NCAM2: variants seen among roughly 807,000 people sequenced by gnomAD.
NCAM2 encodes N-CAM-2.
A neutral mutation model predicts 98.1 loss-of-function variants in NCAM2; 30 were observed. That is an observed-to-expected ratio of 0.31 (90% CI 0.23 to 0.41). The LOEUF is 0.41. Among genes scored for constraint, NCAM2 ranks in the 10% least tolerant of loss-of-function variants. The pLI, the probability that NCAM2 is intolerant of heterozygous loss-of-function variation, is 1.00. For missense variants in NCAM2, 867 were observed against 1,005.8 expected, an observed-to-expected ratio of 0.86 and a Z score of 1.87; for synonymous variants, 368 against 342.4, an observed-to-expected ratio of 1.07 and a Z score of -0.83.
rs2077039117 is a variant in NCAM2 at position 21,418,456 on chromosome 21, T to C, written c.1384-17T>C. On this transcript the variant is annotated splice_polypyrimidine_tract_variant and intron_variant, in intron 10 of 17. Coordinates refer to ENST00000400546, the MANE Select transcript of NCAM2 (RefSeq NM_004540.5). The stretch of plus-strand genomic sequence containing the variant: ...GATGTTTTAGAATTGTAACATTTGT[T>C]ATTATAATTATTTCAGATTGCACCT... 5 of 1,558,846 alleles carry C rather than the reference T, an allele frequency of 3.2e-6. No homozygotes were observed. The highest frequency in any genetic ancestry group is 1.7e-5 in the Admixed American group (1 of 59,786).
intron 6 of NCAM2, among the ~76,000 whole-genome samples, chr21:21,332,021 A>T (rs906192962): frequency 6.6e-6 from 1 of 151,528 alleles, no homozygotes; most frequent in Non-Finnish European, 1.5e-5. Context: ...TCTTGCTTCA[A>T]CCTCCCAAGT....
chr21:21,125,576 CATATAAT>C (rs1189230844), intron 1 of NCAM2, among the ~76,000 whole-genome samples: 1 of 114,588 alleles, frequency 8.7e-6, no homozygotes, highest in Non-Finnish European at 1.7e-5. Context: ...GCATATAAAA[CATATAAT>C]ATACATATTT....
rs1433131403 is a variant in NCAM2 at position 21,539,415 on chromosome 21, G to A, written c.*1458G>A. 1 of 152,146 alleles carries A rather than the reference G, an allele frequency of 6.6e-6. No homozygotes were observed. Among genetic ancestry groups the A allele is most frequent in the Non-Finnish European group, 1.5e-5 (1 of 68,042 alleles). 9.4% of individuals were successfully genotyped at this position (152,146 alleles called of 1,614,324 possible). ...ATAGCTCAAATAGTGACAGGACAGG[G>A]AATGCGTTCCAAAGGAATATTGGAG... On this transcript the variant is annotated 3_prime_UTR_variant, in exon 18 of 18. Transcript: ENST00000400546.
intron 5 of NCAM2, among the ~76,000 whole-genome samples, chr21:21,293,376 T>C (rs977656764): frequency 6.6e-6 from 1 of 151,736 alleles, no homozygotes; most frequent in Admixed American, 6.6e-5. Flanking sequence ...CTTTCAACTG[T>C]AATAATTCTT....
At chr21:21,486,013 C>A (rs1341966217) in intron 15 of NCAM2, among the ~76,000 whole-genome samples, 1 of 151,966 alleles carries the variant, frequency 6.6e-6, no homozygotes, top group African/African-American at 2.4e-5. Flanking sequence ...ATAAAACACA[C>A]TTCTGGCCGG....
chr21:21,360,920 A>G (rs1409802609), intron 8 of NCAM2, among the ~76,000 whole-genome samples: 1 of 151,994 alleles, frequency 6.6e-6, no homozygotes, highest in Admixed American at 6.6e-5. Flanking sequence ...TTAGATAACT[A>G]CTTCATAAAT....
At chr21:21,053,046 C>G (rs73218288) in intron 1 of NCAM2, among the ~76,000 whole-genome samples, 1 of 151,226 alleles carries the variant, frequency 6.6e-6, no homozygotes, top group African/African-American at 2.4e-5. Context: ...GGACAAACTT[C>G]TTATTGAATA....
At chr21:21,127,730 C>T (rs1248257157) in intron 1 of NCAM2, among the ~76,000 whole-genome samples, 1 of 152,052 alleles carries the variant, frequency 6.6e-6, no homozygotes, top group Non-Finnish European at 1.5e-5. Context: ...CTGTGCTTGG[C>T]ATATTTCATT....
At chr21:21,276,904 T>G (rs550386660) in intron 1 of NCAM2, among the ~76,000 whole-genome samples, 7 of 152,026 alleles carry the variant, frequency 4.6e-5, no homozygotes, top group Admixed American at 1.3e-4. Context: ...GAATGAAAAA[T>G]TAACCAGATG....
chr21:21,380,627 A>C (rs1240552685), intron 9 of NCAM2, among the ~76,000 whole-genome samples: 1 of 151,822 alleles, frequency 6.6e-6, no homozygotes, highest in Admixed American at 6.6e-5. Flanking sequence ...TTCCTTTCTC[A>C]GAGCCTGCAA....
At chr21:21,291,939 A>T (rs886447969) in intron 4 of NCAM2, among the ~76,000 whole-genome samples, 165 bp from the exon 5 acceptor site, 2 of 151,688 alleles carry the variant, frequency 1.3e-5, no homozygotes, top group Admixed American at 6.6e-5. Context: ...GAGTGGAAAA[A>T]TTGAAGTCAT....
At chr21:21,015,797 G>A (rs1282695353) in intron 1 of NCAM2, among the ~76,000 whole-genome samples, 1 of 152,050 alleles carries the variant, frequency 6.6e-6, no homozygotes, top group Non-Finnish European at 1.5e-5. Context: ...TCCGCCTCTC[G>A]CGTTCAAGCA....
At chr21:21,073,216 A>T (rs893708266) in intron 1 of NCAM2, among the ~76,000 whole-genome samples, 1 of 152,124 alleles carries the variant, frequency 6.6e-6, no homozygotes, top group African/African-American at 2.4e-5. Context: ...TTGTCCATTT[A>T]TCTATTGATG....
chr21:21,495,271 A>G (rs1987143140), intron 15 of NCAM2, among the ~76,000 whole-genome samples: 1 of 152,028 alleles, frequency 6.6e-6, no homozygotes, highest in South Asian at 2.1e-4. Flanking sequence ...TTAATTATGT[A>G]ATTTTAATTC....
intron 8 of NCAM2, among the ~76,000 whole-genome samples, chr21:21,345,502 A>G (rs1305553487): frequency 6.6e-6 from 1 of 152,090 alleles, no homozygotes; most frequent in Non-Finnish European, 1.5e-5. Flanking sequence ...AATGCATTAG[A>G]GTCCTTTAAT....
At chr21:21,053,509 A>C (rs1023832820) in intron 1 of NCAM2, among the ~76,000 whole-genome samples, 9 of 151,884 alleles carry the variant, frequency 5.9e-5, no homozygotes, top group African/African-American at 2.2e-4. Context: ...TGGAACTCTG[A>C]AGGTCAACTT....
intron 9 of NCAM2, among the ~76,000 whole-genome samples, chr21:21,390,393 C>T (rs1005484852): frequency 2.0e-5 from 3 of 151,934 alleles, no homozygotes; most frequent in Non-Finnish European, 4.4e-5. Context: ...GAGTTCTGAT[C>T]GGAGGTACAA....
intron 1 of NCAM2, among the ~76,000 whole-genome samples, chr21:21,146,302 GTTT>G (rs974546732): frequency 1.3e-5 from 2 of 151,092 alleles, no homozygotes; most frequent in African/African-American, 2.4e-5. Flanking sequence ...TTTTTGTTTT[GTTT>G]TGTTTTTTCA....
At chr21:21,055,701 GAC>G (rs2065196208) in intron 1 of NCAM2, among the ~76,000 whole-genome samples, 1 of 152,048 alleles carries the variant, frequency 6.6e-6, no homozygotes. Flanking sequence ...AAGGCTCAGG[GAC>G]ACCCCACTTG....
Sources: gnomAD v4.1 joint callset for allele counts (sites outside exome capture counted in the v4.1 genomes callset) on GRCh38, gnomAD v4.1.1 for gene constraint, MANE v1.5 for transcripts, NCBI Gene and HGNC (gene_info 2026-07-23, HGNC 2026-07-21) for gene names.